HDLBP: variants seen among roughly 807,000 people sequenced by gnomAD.
HDLBP encodes the protein vigilin.
In HDLBP, 30 loss-of-function variants were observed where a neutral mutation model predicts 137.3. The observed-to-expected ratio is 0.22, with a 90% CI of 0.16 to 0.30. HDLBP has a LOEUF of 0.30. HDLBP is among the 10% of genes least tolerant of loss of function. The probability of loss-of-function intolerance (pLI) is 1.00; values close to 1 mark genes in which losing one functional copy is unlikely to be tolerated. For missense variants in HDLBP, 1,119 were observed against 1,667.3 expected (o/e 0.67, Z 5.73); for synonymous variants, 606 against 596.0 (o/e 1.02, Z -0.24).
chr2:241,227,921 C>T lies in HDLBP; in HGVS notation c.*1680G>A, dbSNP rs2069284872. The stretch of plus-strand genomic sequence containing the variant: ...CCCTGTTTCCTAAGCCGTGGTCACC[C>T]TAGCCTATGAAGCTGGAAGCTATAT... On this transcript the variant is annotated 3_prime_UTR_variant, in exon 28 of 28. Coordinates refer to ENST00000310931, the MANE Select transcript of HDLBP (RefSeq NM_005336.6). The T allele has an allele frequency of 6.6e-6, 1 of 152,230 alleles. No individual in the cohort carries two copies. The highest frequency in any genetic ancestry group is 2.1e-4 in the South Asian group (1 of 4,834). The allele number at this position is 152,230 out of a possible 1,614,324, so 9.4% of individuals were successfully genotyped here.
intron 1 of HDLBP, among the ~76,000 whole-genome samples, chr2:241,305,697 T>C (rs1182146748): frequency 6.6e-6 from 1 of 151,816 alleles, no homozygotes; most frequent in Non-Finnish European, 1.5e-5. Flanking sequence ...TGATAACCAC[T>C]GCTAGAAATA....
intron 1 of HDLBP, among the ~76,000 whole-genome samples, chr2:241,312,893 T>C (rs2075795389): frequency 6.6e-6 from 1 of 152,216 alleles, no homozygotes; most frequent in Non-Finnish European, 1.5e-5. Context: ...CAGAGTATCT[T>C]AGATAAAACT....
At chr2:241,261,046 A>AG (rs1288405916) in intron 5 of HDLBP, among the ~76,000 whole-genome samples, 1 of 151,414 alleles carries the variant, frequency 6.6e-6, no homozygotes, top group Non-Finnish European at 1.5e-5. Context: ...AAACAAAAAA[A>AG]AAGCCGGGCC....
In HDLBP at chr2:241,252,941, A is replaced by T. The variant is rs1237821661; in HGVS notation, c.1372+16T>A. The T allele has an allele frequency of 1.9e-6, 3 of 1,588,614 alleles. No individual in the cohort carries two copies. Among genetic ancestry groups the T allele is most frequent in the Non-Finnish European group, 2.6e-6 (3 of 1,158,058 alleles). On this transcript the variant is annotated intron_variant, in intron 11 of 27. Transcript: ENST00000310931. ...CAGGGCACACTGGCCCCACCGCAAC[A>T]GACAGCCTCACTCACTGTTGGCACC...
intron 3 of HDLBP, among the ~76,000 whole-genome samples, chr2:241,266,226 C>CT (rs986490075): frequency 1.3e-4 from 20 of 152,066 alleles, no homozygotes; most frequent in Admixed American, 7.2e-4. Context: ...GGTTCCCCCC[C>CT]TTTTTTTTAC....
In HDLBP at chr2:241,272,623, G is replaced by C. The variant is rs1195960900; in HGVS notation, c.-102-4082C>G. On this transcript the variant is annotated intron_variant, in intron 1 of 27. Coordinates refer to ENST00000310931, the MANE Select transcript of HDLBP (RefSeq NM_005336.6). This position sits in a 1 kb window ranked among gnomAD's most constrained non-coding sequence, Gnocchi z 5.6. ...GGCGGGGGCCGCAGCCTGGGGCCCG[G>C]GTGGGGGCCGCGGCACCCGGGCCCC... The C allele has an allele frequency of 6.1e-6, 6 of 979,966 alleles. No homozygotes were observed. The highest frequency in any genetic ancestry group is 7.3e-6 in the Non-Finnish European group (6 of 826,414). 60.7% of individuals were successfully genotyped at this position (979,966 alleles called of 1,614,324 possible).
At chr2:241,294,805 A>G (rs1470868557) in intron 1 of HDLBP, among the ~76,000 whole-genome samples, 1 of 152,208 alleles carries the variant, frequency 6.6e-6, no homozygotes, top group Non-Finnish European at 1.5e-5. Context: ...TTATGGCTAA[A>G]AGGAGGACAA....
Position 241,255,361 on chromosome 2 carries a change from C to T in HDLBP, c.1080+13G>A, listed in dbSNP as rs557978708. 8 of 1,611,160 alleles carry T rather than the reference C, an allele frequency of 5.0e-6. No individual in the cohort carries two copies. The African/African-American group carries it at 6.7e-5, about 13-fold the overall frequency. Reference sequence around the variant, plus strand: ...ACTCAAAGGAGACACACTTCATGCTCGGAGGCAGTTACCTTGGCATAGACT... The same window carrying T: ...ACTCAAAGGAGACACACTTCATGCTTGGAGGCAGTTACCTTGGCATAGACT... On this transcript the variant is annotated intron_variant, in intron 8 of 27. Coordinates refer to ENST00000310931, the MANE Select transcript of HDLBP (RefSeq NM_005336.6).
At chr2:241,236,258 G>A in intron 21 of HDLBP, 1 of 308,640 alleles carries the variant, frequency 3.2e-6, no homozygotes, top group East Asian at 7.4e-5. Context: ...GGTGAGCTAG[G>A]CCTGATAACC....
chr2:241,297,611 C>A (rs887800288), intron 1 of HDLBP, among the ~76,000 whole-genome samples: 2 of 152,144 alleles, frequency 1.3e-5, no homozygotes, highest in South Asian at 4.1e-4. Flanking sequence ...GGTGCCTAGA[C>A]CCTGTTTCTC....
chr2:241,281,412 T>C (rs1404764952), intron 1 of HDLBP, among the ~76,000 whole-genome samples: 3 of 152,128 alleles, frequency 2.0e-5, no homozygotes, highest in African/African-American at 7.2e-5. Flanking sequence ...TCCCAGCTAC[T>C]CGGGAGGCTG....
chr2:241,309,625 C>G (rs190072401), intron 1 of HDLBP, among the ~76,000 whole-genome samples: 235 of 152,282 alleles, frequency 1.5e-3, no homozygotes, highest in African/African-American at 5.5e-3. Flanking sequence ...GCACGAAGAT[C>G]CCTAAGATGC....
At position 241,267,623 on chromosome 2, in the gene HDLBP, CA is replaced by C. The variant is rs1349842258; in HGVS notation, c.-37-718del. The C allele has an allele frequency of 2.0e-6, 3 of 1,535,614 alleles. No homozygotes were observed. The African/African-American group carries it at 4.1e-5, about 21-fold the overall frequency. On this transcript the variant is annotated intron_variant, in intron 2 of 27. Coordinates refer to ENST00000310931, the MANE Select transcript of HDLBP (RefSeq NM_005336.6). ...CATCATGACAGTTGCTACAAAAAGC[CA>C]GCGGTCTCTCTCTGCAAGGTGCATC...
Position 241,230,358 on chromosome 2 carries a change from G to T in HDLBP, c.3475-89C>A. On this transcript the variant is annotated intron_variant, in intron 25 of 27. Coordinates refer to ENST00000310931, the MANE Select transcript of HDLBP (RefSeq NM_005336.6). The surrounding 1 kb of genome is among the most constrained non-coding windows in gnomAD (Gnocchi z 5.0). Reference sequence around the variant, plus strand: ...GTCAATTTCTAGTGAAGCATTTTCTGAGTTAGCAAACGTTTTAAAATCTGG... The same window carrying T: ...GTCAATTTCTAGTGAAGCATTTTCTTAGTTAGCAAACGTTTTAAAATCTGG... 1.2e-6 allele frequency: 1 copy of T among 853,324 alleles called. No individual in the cohort carries two copies. 52.9% of individuals were successfully genotyped at this position (853,324 alleles called of 1,614,324 possible).
rs183361008 is a variant in HDLBP at position 241,303,180 on chromosome 2, G to A, written c.-103+12390C>T. On this transcript the variant is annotated intron_variant, in intron 1 of 27. Coordinates refer to ENST00000310931, the MANE Select transcript of HDLBP (RefSeq NM_005336.6). ...CAGCATTTGGTCCAGCCAGCCAAACGAGCTGTGATAAGAAAGTCAGCCTGC... is the reference window on the plus strand; with the variant it reads ...CAGCATTTGGTCCAGCCAGCCAAACAAGCTGTGATAAGAAAGTCAGCCTGC... Among the ~76,000 whole-genome samples, 748 of 152,276 alleles carry A rather than the reference G, an allele frequency of 4.9e-3. 30 individuals carry two copies. Among genetic ancestry groups the A allele is most frequent in the Non-Finnish European group, 6.9e-4 (47 of 68,014 alleles).
chr2:241,248,612 C>T (rs975017510), intron 12 of HDLBP, among the ~76,000 whole-genome samples: 3 of 152,248 alleles, frequency 2.0e-5, no homozygotes, highest in Middle Eastern at 3.4e-3. Flanking sequence ...TTAAGGAACT[C>T]GCTGTAGGAC....
At chr2:241,297,717 T>C (rs553187756) in intron 1 of HDLBP, among the ~76,000 whole-genome samples, 1 of 151,732 alleles carries the variant, frequency 6.6e-6, no homozygotes, top group East Asian at 1.9e-4. Context: ...GCCCAGAATA[T>C]CCTGTGGTAC....
intron 1 of HDLBP, among the ~76,000 whole-genome samples, chr2:241,305,924 C>T: frequency 6.6e-6 from 1 of 151,926 alleles, no homozygotes. Context: ...CCATGCTCAA[C>T]TAATTTTTTG....
At chr2:241,284,020 C>T (rs1278982346) in intron 1 of HDLBP, among the ~76,000 whole-genome samples, 9 of 114,822 alleles carry the variant, frequency 7.8e-5, no homozygotes, top group African/African-American at 3.0e-4. Context: ...TTAAGATCTA[C>T]TGCCCAGAAA....
Sources: gnomAD v4.1 joint callset for allele counts (sites outside exome capture counted in the v4.1 genomes callset) on GRCh38, gnomAD v4.1.1 for gene constraint, Gnocchi (gnomAD v3.1) non-coding constraint, MANE v1.5 for transcripts, NCBI Gene and HGNC (gene_info 2026-07-23, HGNC 2026-07-21) for gene names.